The following LNPEP variants were observed in gnomAD, a reference collection of about 807,000 sequenced individuals.
LNPEP encodes the protein leucyl and cystinyl aminopeptidase, also known as leucyl-cystinyl aminopeptidase.
A neutral mutation model predicts 120.6 loss-of-function variants in LNPEP; 64 were observed. The ratio of observed to expected loss-of-function variants is 0.53; its 90% CI spans 0.43 to 0.65. LNPEP has a LOEUF of 0.65. LNPEP is among the 30% of genes least tolerant of loss of function. The pLI, the probability that LNPEP is intolerant of heterozygous loss-of-function variation, is 0.00. For missense variants in LNPEP, 1,057 were observed against 1,200.0 expected (o/e 0.88, Z 1.76); for synonymous variants, 435 against 425.4 (o/e 1.02, Z -0.28).
At chr5:96,948,634 T>C (rs1034998775) in intron 1 of LNPEP, among the ~76,000 whole-genome samples, 1 of 152,226 alleles carries the variant, frequency 6.6e-6, no homozygotes, top group Non-Finnish European at 1.5e-5. Flanking sequence ...TAACGTAGCA[T>C]GGTCCCTGAT....
At chr5:96,991,062 C>G (rs891937185) in intron 4 of LNPEP, among the ~76,000 whole-genome samples, 1 of 152,150 alleles carries the variant, frequency 6.6e-6, no homozygotes, top group African/African-American at 2.4e-5. Context: ...CACTCCCCTC[C>G]CACCCTTTCC....
Position 97,031,322 on chromosome 5 carries a change from T to C in LNPEP, c.*2789T>C, listed in dbSNP as rs1791464088. The C allele has an allele frequency of 6.6e-6, 1 of 152,138 alleles. No individual in the cohort carries two copies. The highest frequency in any genetic ancestry group is 1.5e-5 in the Non-Finnish European group (1 of 68,022). The allele number at this position is 152,138 out of a possible 1,614,324, so 9.4% of individuals were successfully genotyped here. On this transcript the variant is annotated 3_prime_UTR_variant, in exon 18 of 18. Coordinates refer to ENST00000231368, the MANE Select transcript of LNPEP (RefSeq NM_005575.3). ...TAGATATATTAAACTGCAAGTAGTA[T>C]CAGCTTCACCATAAGCTTGGGCCTT...
intron 13 of LNPEP, among the ~76,000 whole-genome samples, chr5:97,021,205 A>G (rs969099102): frequency 2.6e-5 from 4 of 151,460 alleles, no homozygotes; most frequent in South Asian, 4.2e-4. Context: ...TCGTATCTGT[A>G]TATCACTTTT....
intron 8 of LNPEP, among the ~76,000 whole-genome samples, chr5:97,000,801 T>G (rs1425567322): frequency 6.6e-6 from 1 of 152,220 alleles, no homozygotes; most frequent in East Asian, 1.9e-4. Flanking sequence ...TATGACTATA[T>G]GCTGAGTTCT....
intron 1 of LNPEP, among the ~76,000 whole-genome samples, chr5:96,955,500 A>C (rs1036885607): frequency 6.6e-6 from 1 of 152,196 alleles, no homozygotes; most frequent in Non-Finnish European, 1.5e-5. Context: ...CTGTAGTCCC[A>C]GCTACTTGGG....
intron 1 of LNPEP, among the ~76,000 whole-genome samples, chr5:96,947,794 A>G (rs900802498): frequency 1.3e-5 from 2 of 152,200 alleles, no homozygotes; most frequent in East Asian, 1.9e-4. Flanking sequence ...AATATTACAT[A>G]TAGAGAGAAT....
chr5:96,962,790 G>A (rs79128738), intron 1 of LNPEP: 1,921 of 152,052 alleles, frequency 0.013, 43 homozygotes, highest in East Asian at 0.071. Flanking sequence ...CTGCTGTGCC[G>A]TCTCTTTATT....
chr5:96,993,250 T>G, intron 5 of LNPEP, 115 bp downstream of exon 5: 1 of 641,994 alleles, frequency 1.6e-6, no homozygotes, highest in Non-Finnish European at 2.6e-6. Context: ...CCAAAAACCA[T>G]TATTAATGCT....
rs373865230 is a variant in LNPEP, at chr5:97,024,595, G to T, written c.2636G>T (p.Gly879Val). The change falls in exon 15 of 18, where the codon GGC (glycine) becomes GTC (valine). Residue 879 changes from glycine (G) to valine (V), a missense_variant. Gly to Val is a moderately radical substitution (Grantham distance 109, BLOSUM62 -3). Transcript: ENST00000231368. ...GACAAAGGCTGGTCATTCCTTTTGG[G>T]CAAATACATTTCTATAGGCTCTGAA... ...KTDKGWSFLLGKYISIGSEAE... is the reference protein window; with the variant it reads ...KTDKGWSFLLVKYISIGSEAE... The T allele has an allele frequency of 3.1e-6, 5 of 1,613,912 alleles. No individual in the cohort carries two copies. The African/African-American group carries it at 4.0e-5, about 13-fold the overall frequency.
At chr5:96,994,021 T>A in intron 6 of LNPEP, 50 bp downstream of exon 6, 1 of 1,490,976 alleles carries the variant, frequency 6.7e-7, no homozygotes, top group Non-Finnish European at 9.2e-7. Context: ...CTACTTCATG[T>A]CCTGGAGTTA....
rs1453887635 is a variant in LNPEP, at chr5:97,036,326, T to C, written c.*7793T>C. The C allele has an allele frequency of 6.6e-6, 1 of 152,178 alleles. No individual in the cohort carries two copies. The highest frequency in any genetic ancestry group is 6.6e-5 in the Admixed American group (1 of 15,258). 9.4% of individuals were successfully genotyped at this position (152,178 alleles called of 1,614,324 possible). On this transcript the variant is annotated 3_prime_UTR_variant, in exon 18 of 18. Coordinates refer to ENST00000231368, the MANE Select transcript of LNPEP (RefSeq NM_005575.3). ...CCCAGAGGTCTTTTGTGTGACTGCA[T>C]CTTTCTCCTCCGTTCTCCATTGTGT...
At chr5:96,981,237 A>C (rs1457035112) in intron 2 of LNPEP, among the ~76,000 whole-genome samples, 1 of 152,194 alleles carries the variant, frequency 6.6e-6, no homozygotes, top group Non-Finnish European at 1.5e-5. Flanking sequence ...AGAGAGAAAG[A>C]CAAAAAAATG....
rs1464717875 is a variant in LNPEP at position 96,979,277 on chromosome 5, G to A, written c.159G>A (p.Leu53=). The change falls in exon 2 of 18, where the codon CTG becomes CTA. Residue 53 remains leucine, a synonymous_variant. Coordinates refer to ENST00000231368, the MANE Select transcript of LNPEP (RefSeq NM_005575.3). ...AATATGAGCCCCGGGGTTCCCGACT[G>A]CTGGTGCGGGGTCTTGGTGAGCATG... The part of the protein sequence containing the change: ...EVEYEPRGSR[L]LVRGLGEHEM... 1.2e-6 allele frequency: 2 copies of A among 1,614,012 alleles called. No homozygotes were observed. The highest frequency in any genetic ancestry group is 1.1e-5 in the South Asian group (1 of 91,088).
In LNPEP at chr5:96,985,232, C is replaced by T. The variant is rs1446117451; in HGVS notation, c.999+14C>T. The stretch of plus-strand genomic sequence containing the variant: ...AATATGCCTAAGGTACTGTTCTGTT[C>T]CTTGAATGTAAAAATCTTTGAATGG... On this transcript the variant is annotated intron_variant, in intron 3 of 17. Coordinates refer to ENST00000231368, the MANE Select transcript of LNPEP (RefSeq NM_005575.3). 5 of 1,586,684 alleles carry T rather than the reference C, an allele frequency of 3.2e-6. No individual in the cohort carries two copies. The South Asian group carries it at 4.6e-5, about 15-fold the overall frequency.
intron 3 of LNPEP, 48 bp downstream of exon 3, chr5:96,985,266 C>A (rs1790214553): frequency 6.7e-7 from 1 of 1,494,736 alleles, no homozygotes; most frequent in Non-Finnish European, 9.1e-7. Flanking sequence ...GGGTCTCTTT[C>A]TTTAAGAACA....
At chr5:96,946,945 T>C (rs192731696) in intron 1 of LNPEP, among the ~76,000 whole-genome samples, 99 of 152,356 alleles carry the variant, frequency 6.5e-4, no homozygotes, top group African/African-American at 2.3e-3. Flanking sequence ...CATTCAGTGA[T>C]ATGCATTCTT....
rs1376907469 is a variant in LNPEP at position 96,949,625 on chromosome 5, G to A, written c.19+13451G>A. Among the ~76,000 whole-genome samples the A allele has an allele frequency of 4.6e-5, 7 of 152,322 alleles. No individual in the cohort carries two copies. In the East Asian group the frequency reaches 9.6e-4, roughly 21 times the overall value. On this transcript the variant is annotated intron_variant, in intron 1 of 17. Coordinates refer to ENST00000231368, the MANE Select transcript of LNPEP (RefSeq NM_005575.3). Reference sequence around the variant, plus strand: ...TCCAACTTAATTCTGGCCCAGGTATGCTTTCATGGTGCCTTCAAGAAAATG... The same window carrying A: ...TCCAACTTAATTCTGGCCCAGGTATACTTTCATGGTGCCTTCAAGAAAATG...
At chr5:96,979,030 TA>T (rs906725383) in intron 1 of LNPEP, 107 bp from the exon 2 acceptor site, 3 of 1,307,922 alleles carry the variant, frequency 2.3e-6, no homozygotes, top group Admixed American at 2.4e-5. Context: ...CTTAGTGACT[TA>T]AAAAAATTCT....
At chr5:96,967,257 G>A (rs986440421) in intron 1 of LNPEP, among the ~76,000 whole-genome samples, 3 of 152,054 alleles carry the variant, frequency 2.0e-5, no homozygotes, top group African/African-American at 7.2e-5. Flanking sequence ...CATTTACACA[G>A]TAAAACTCAA....
Sources: allele counts gnomAD v4.1 joint callset (sites outside exome capture counted in the v4.1 genomes callset), GRCh38; gene constraint gnomAD v4.1.1; transcripts MANE v1.5; gene names NCBI Gene and HGNC (gene_info 2026-07-23, HGNC 2026-07-21).